Variants in NELL1 observed in about 807,000 individuals in gnomAD.
NELL1 encodes protein kinase C-binding protein NELL1.
Under a neutral mutation model 107.4 loss-of-function variants are expected in NELL1, and 76 were observed. That is an observed-to-expected ratio of 0.71 (90% CI 0.59 to 0.86). The LOEUF is 0.86. Ranked by LOEUF, NELL1 falls within the 40% of genes least tolerant of loss-of-function variation. The pLI, the probability that NELL1 is intolerant of heterozygous loss-of-function variation, is 0.00. For missense variants in NELL1, 1,024 were observed against 1,005.5 expected, an observed-to-expected ratio of 1.02 and a Z score of -0.25; for synonymous variants, 353 against 341.2, an observed-to-expected ratio of 1.03 and a Z score of -0.38.
intron 15 of NELL1, among the ~76,000 whole-genome samples, chr11:21,401,799 C>A (rs1389121560): frequency 2.0e-5 from 3 of 151,746 alleles, no homozygotes; most frequent in Non-Finnish European, 4.4e-5. Flanking sequence ...AATCCTGTCT[C>A]TGCCTGCCAA....
At chr11:21,125,712 A>G (rs924857212) in intron 13 of NELL1, among the ~76,000 whole-genome samples, 1 of 152,194 alleles carries the variant, frequency 6.6e-6, no homozygotes, top group Admixed American at 6.5e-5. Context: ...CGGGTGTCTG[A>G]AAGGGTTTGA....
intron 12 of NELL1, among the ~76,000 whole-genome samples, chr11:21,006,769 G>A (rs972184734): frequency 1.3e-5 from 2 of 152,066 alleles, no homozygotes; most frequent in Admixed American, 1.3e-4. Context: ...TTTGACCACT[G>A]TGATACAATA....
chr11:21,351,270 T>A (rs1850807581), intron 14 of NELL1, among the ~76,000 whole-genome samples: 1 of 151,902 alleles, frequency 6.6e-6, no homozygotes, highest in South Asian at 2.1e-4. Context: ...GAGTGAATAT[T>A]TTTTTTGTTG....
At chr11:20,958,811 A>C (rs1851230868) in intron 11 of NELL1, among the ~76,000 whole-genome samples, 2 of 152,200 alleles carry the variant, frequency 1.3e-5, no homozygotes, top group Admixed American at 6.5e-5. Context: ...AAGCATGTTT[A>C]AGAAGGTTTT....
rs140941623 is a variant in NELL1 at position 21,552,677 on chromosome 11, G to GTTGT, written c.1787-7505_1787-7502dup. On this transcript the variant is annotated intron_variant, in intron 16 of 19. Coordinates refer to ENST00000357134, the MANE Select transcript of NELL1 (RefSeq NM_006157.5). ...GCCCCAGAGCTATTTTACCGAACCA[G>GTTGT]TTGTTTGTTTAGCATTTTATAGAAG... 4.9e-4 allele frequency among the ~76,000 whole-genome samples: 74 copies of GTTGT among 151,798 alleles called. No individual in the cohort carries two copies. In the East Asian group the frequency reaches 0.013, roughly 27 times the overall value.
At chr11:21,022,573 T>C (rs923742600) in intron 12 of NELL1, among the ~76,000 whole-genome samples, 1 of 152,130 alleles carries the variant, frequency 6.6e-6, no homozygotes, top group East Asian at 1.9e-4. Context: ...AGTAAAACTC[T>C]TGACGCTAAA....
intron 9 of NELL1, among the ~76,000 whole-genome samples, chr11:20,932,915 G>C (rs575546342): frequency 6.6e-6 from 1 of 152,238 alleles, no homozygotes; most frequent in African/African-American, 2.4e-5. Context: ...ATGTACATAT[G>C]TATGTGTGTG....
At chr11:21,005,694 A>G (rs1852313734) in intron 12 of NELL1, among the ~76,000 whole-genome samples, 1 of 152,152 alleles carries the variant, frequency 6.6e-6, no homozygotes. Flanking sequence ...ATGGCATTTC[A>G]TTTTTAATAT....
chr11:21,137,467 AG>A (rs1787110872), intron 13 of NELL1, among the ~76,000 whole-genome samples: 1 of 152,218 alleles, frequency 6.6e-6, no homozygotes, highest in Admixed American at 6.5e-5. Context: ...AGTATTCCAA[AG>A]AGGAGAATCA....
intron 13 of NELL1, among the ~76,000 whole-genome samples, chr11:21,195,892 T>C (rs1350919084): frequency 1.3e-5 from 2 of 152,218 alleles, no homozygotes; most frequent in Non-Finnish European, 2.9e-5. Flanking sequence ...GTTTATTCAG[T>C]GGCTCAGCCA....
chr11:20,802,410 T>G (rs79659395), intron 3 of NELL1, among the ~76,000 whole-genome samples: 4,164 of 149,424 alleles, frequency 0.028, 191 homozygotes, highest in African/African-American at 0.098. Flanking sequence ...GAAATGCTGT[T>G]TTTTTTTTTG....
chr11:21,331,818 A>G (rs1300272908), intron 14 of NELL1, among the ~76,000 whole-genome samples: 2 of 151,956 alleles, frequency 1.3e-5, no homozygotes, highest in African/African-American at 4.8e-5. Flanking sequence ...TATTGCTCTT[A>G]TGGAGGTATC....
chr11:21,538,968 C>T (rs1439850779), intron 16 of NELL1, among the ~76,000 whole-genome samples: 4 of 152,082 alleles, frequency 2.6e-5, no homozygotes, highest in African/African-American at 9.7e-5. Context: ...CATTCTCTTT[C>T]CTCTACTCCT....
At chr11:20,820,669 C>T (rs1857729981) in intron 3 of NELL1, among the ~76,000 whole-genome samples, 1 of 152,130 alleles carries the variant, frequency 6.6e-6, no homozygotes, top group African/African-American at 2.4e-5. Flanking sequence ...CAGGCATGTC[C>T]AGCTTCCTCT....
intron 14 of NELL1, among the ~76,000 whole-genome samples, chr11:21,337,817 C>CT (rs1555006183): frequency 3.1e-5 from 1 of 32,374 alleles, no homozygotes; most frequent in South Asian, 1.3e-3. Flanking sequence ...TCTTGCTTTC[C>CT]TTCTTTCTTT....
intron 4 of NELL1, 136 bp from the exon 5 acceptor site, chr11:20,885,308 T>C (rs1023065686): frequency 1.6e-6 from 1 of 615,722 alleles, no homozygotes; most frequent in Admixed American, 2.6e-5. Flanking sequence ...ATTCATGTTA[T>C]CTGTCATGTA....
intron 14 of NELL1, among the ~76,000 whole-genome samples, chr11:21,319,502 A>ATATG (rs1448212724): frequency 6.9e-6 from 1 of 143,978 alleles, no homozygotes. Flanking sequence ...ATTTATATAT[A>ATATG]TATATATATA....
rs1855516735 is a variant in NELL1, at chr11:21,514,732, C to T, written c.1646-19642C>T. On this transcript the variant is annotated intron_variant, in intron 15 of 19. Transcript: ENST00000357134. ...GGGCAGACTGTTTGGGTCATCTATGCTAAGGCTGTGGGAATACATCTGTCA... is the reference window on the plus strand; with the variant it reads ...GGGCAGACTGTTTGGGTCATCTATGTTAAGGCTGTGGGAATACATCTGTCA... Among the ~76,000 whole-genome samples the T allele has an allele frequency of 2.1e-5, 3 of 143,200 alleles. No individual in the cohort carries two copies. In the South Asian group the frequency reaches 6.2e-4, roughly 30 times the overall value. The allele number at this position is 143,200 out of a possible 152,430, so 93.9% of individuals were successfully genotyped here.
At chr11:21,160,866 T>C (rs16907570) in intron 13 of NELL1, among the ~76,000 whole-genome samples, 3,638 of 152,174 alleles carry the variant, frequency 0.024, 154 homozygotes, top group African/African-American at 0.081. Context: ...CTGCATGTAA[T>C]ACTGCAATCT....
Sources: allele counts gnomAD v4.1 joint callset (sites outside exome capture counted in the v4.1 genomes callset), GRCh38; gene constraint gnomAD v4.1.1; transcripts MANE v1.5; gene names NCBI Gene and HGNC (gene_info 2026-07-23, HGNC 2026-07-21).